Variants in ST14 observed in about 807,000 individuals in gnomAD.
ST14 encodes the protein suppressor of tumorigenicity 14 protein.
In ST14, 40 loss-of-function variants were observed where a neutral mutation model predicts 96.5. That is an observed-to-expected ratio of 0.41 (90% confidence interval 0.32 to 0.54). ST14 has a LOEUF of 0.54. ST14 is among the 20% of genes least tolerant of loss of function. The pLI, the probability that ST14 is intolerant of heterozygous loss-of-function variation, is 0.17. For missense variants in ST14, 1,066 were observed against 1,188.9 expected, an observed-to-expected ratio of 0.90 and a Z score of 1.52; for synonymous variants, 506 against 492.1, an observed-to-expected ratio of 1.03 and a Z score of -0.37.
intron 16 of ST14, among the ~76,000 whole-genome samples, chr11:130,208,046 T>C (rs1953506903): frequency 6.6e-6 from 1 of 151,968 alleles, no homozygotes; most frequent in Admixed American, 6.6e-5. Flanking sequence ...CGCACTCCAG[T>C]CTGGGTGACA....
chr11:130,178,306 T>C (rs370890434), intron 1 of ST14, among the ~76,000 whole-genome samples: 1 of 103,106 alleles, frequency 9.7e-6, no homozygotes, highest in South Asian at 2.3e-4. Context: ...AGAGCCTTCG[T>C]TGGCAGATGC....
chr11:130,190,767 G>C lies in ST14; in HGVS notation c.875+73G>C, dbSNP rs982856904. The stretch of plus-strand genomic sequence containing the variant: ...CCTGTAGGGGGCCAGCTTCTTCAAC[G>C]ATTGGGATACAGTTTATGACTCTTG... On this transcript the variant is annotated intron_variant, in intron 7 of 18. Coordinates refer to ENST00000278742, the MANE Select transcript of ST14 (RefSeq NM_021978.4). The C allele has an allele frequency of 2.7e-5, 40 of 1,484,870 alleles. No individual in the cohort carries two copies. In the South Asian group the frequency reaches 4.8e-4, roughly 18 times the overall value. 92.0% of individuals were successfully genotyped at this position (1,484,870 alleles called of 1,614,324 possible).
At chr11:130,189,266 G>A in intron 4 of ST14, 2 of 501,422 alleles carry the variant, frequency 4.0e-6, no homozygotes, top group South Asian at 2.2e-5. Context: ...CCTTCAATGA[G>A]CCCCCACATT....
intron 14 of ST14, 34 bp downstream of exon 14, chr11:130,198,655 G>T: frequency 6.3e-7 from 1 of 1,590,932 alleles, no homozygotes; most frequent in Non-Finnish European, 8.6e-7. Flanking sequence ...CCTGTTGGGG[G>T]CCTCGCCCCT....
At chr11:130,178,833 C>T (rs979854128) in intron 1 of ST14, among the ~76,000 whole-genome samples, 6 of 152,230 alleles carry the variant, frequency 3.9e-5, no homozygotes, top group East Asian at 3.9e-4. Context: ...GTGGGCGGGC[C>T]GGGGTTTTGG....
intron 1 of ST14, among the ~76,000 whole-genome samples, chr11:130,173,278 A>C (rs1225207320): frequency 6.6e-6 from 1 of 152,214 alleles, no homozygotes; most frequent in Non-Finnish European, 1.5e-5. Context: ...CTGGTGGAGC[A>C]GCTGAAGTTC....
chr11:130,190,763 C>T, intron 7 of ST14, 69 bp downstream of exon 7: 6 of 1,489,996 alleles, frequency 4.0e-6, no homozygotes, highest in Admixed American at 2.2e-5. Flanking sequence ...CCAGCTTCTT[C>T]AACGATTGGG....
intron 1 of ST14, among the ~76,000 whole-genome samples, chr11:130,161,988 C>T (rs1431703967): frequency 6.6e-6 from 1 of 150,942 alleles, no homozygotes; most frequent in Non-Finnish European, 1.5e-5. Flanking sequence ...CACCAGAAAT[C>T]CCAGTCCCTG....
chr11:130,162,712 T>G (rs1953006697), intron 1 of ST14, among the ~76,000 whole-genome samples: 1 of 152,220 alleles, frequency 6.6e-6, no homozygotes, highest in African/African-American at 2.4e-5. Context: ...ACAGCCCCTG[T>G]CCTTGGGACC....
chr11:130,210,067 G>A lies in ST14; in HGVS notation c.*244G>A. 2 of 550,348 alleles carry A rather than the reference G, an allele frequency of 3.6e-6. No individual in the cohort carries two copies. The highest frequency in any genetic ancestry group is 3.2e-5 in the East Asian group (1 of 31,392). The allele number at this position is 550,348 out of a possible 1,614,324, so 34.1% of individuals were successfully genotyped here. A position where few individuals can be genotyped will look rare whatever the true frequency, so the allele number is the denominator to read the frequency against. ...TCTACTGACCCAACTGGGGGCAAAGGTTTGAAGACACAGCCTCCCCCGCCA... is the reference window on the plus strand; with the variant it reads ...TCTACTGACCCAACTGGGGGCAAAGATTTGAAGACACAGCCTCCCCCGCCA... On this transcript the variant is annotated 3_prime_UTR_variant, in exon 19 of 19. Coordinates refer to ENST00000278742, the MANE Select transcript of ST14 (RefSeq NM_021978.4).
chr11:130,188,706 C>G lies in ST14; in HGVS notation c.369+49C>G, dbSNP rs528692095. On this transcript the variant is annotated intron_variant, in intron 3 of 18. Transcript: ENST00000278742. This position sits in a 1 kb window ranked among gnomAD's most constrained non-coding sequence, Gnocchi z 5.4. The stretch of plus-strand genomic sequence containing the variant: ...CTGCTGGGCTGTGTGCGCTGGTGTC[C>G]CACCTGCTGGGCAGGAGGGACATGC... The G allele has an allele frequency of 1.2e-6, 2 of 1,613,750 alleles. No homozygotes were observed. The highest frequency in any genetic ancestry group is 1.3e-5 in the African/African-American group (1 of 75,032).
rs199614254 is a variant in ST14 at position 130,209,688 on chromosome 11, C to T, written c.2433C>T (p.Ser811=). The T allele has an allele frequency of 5.0e-6, 8 of 1,613,392 alleles. No homozygotes were observed. The Admixed American group carries it at 1.2e-4, about 24-fold the overall frequency. ...CQGDSGGPLS[S]VEADGRIFQA... ...GTGATTCCGGGGGACCCCTGTCCAG[C>T]GTGGAGGCGGATGGGCGGATCTTCC... The change falls in exon 19 of 19, where the codon AGC becomes AGT. Residue 811 remains serine (S), a synonymous_variant. Transcript: ENST00000278742.
chr11:130,172,411 C>CTTTTTTT (rs1173051845), intron 1 of ST14, among the ~76,000 whole-genome samples: 18 of 88,288 alleles, frequency 2.0e-4, no homozygotes, highest in Non-Finnish European at 2.5e-4. Context: ...TGGCTGTCTT[C>CTTTTTTT]TTTTTTTTTT....
chr11:130,165,823 G>C (rs988688260), intron 1 of ST14, among the ~76,000 whole-genome samples: 5 of 152,174 alleles, frequency 3.3e-5, no homozygotes, highest in African/African-American at 1.2e-4. Flanking sequence ...AGGCTCAAAG[G>C]GTTTGTGTAA....
intron 16 of ST14, among the ~76,000 whole-genome samples, chr11:130,202,793 C>G (rs530677215): frequency 2.0e-5 from 3 of 152,318 alleles, no homozygotes; most frequent in Non-Finnish European, 4.4e-5. Context: ...AAGTTGCCCT[C>G]TCTGTGCTTG....
rs971851325 is a variant in ST14, at chr11:130,187,103, C to G, written c.82-1011C>G. ...TACGAGATCACCACCAGAAGAATGA[C>G]ATCAGGAAACTGTCAAAAGGGCCAA... On this transcript the variant is annotated intron_variant, in intron 1 of 18. Coordinates refer to ENST00000278742, the MANE Select transcript of ST14 (RefSeq NM_021978.4). This position sits in a 1 kb window ranked among gnomAD's most constrained non-coding sequence, Gnocchi z 4.5. 6.6e-6 allele frequency among the ~76,000 whole-genome samples: 1 copy of G among 152,134 alleles called. No homozygotes were observed. The highest frequency in any genetic ancestry group is 1.5e-5 in the Non-Finnish European group (1 of 68,042).
intron 16 of ST14, among the ~76,000 whole-genome samples, chr11:130,206,570 T>TC (rs1953491888): frequency 7.3e-6 from 1 of 136,542 alleles, no homozygotes; most frequent in African/African-American, 2.5e-5. Context: ...TTCTTTTCTT[T>TC]TTTTTTTTCT....
At chr11:130,163,631 T>C (rs1318683175) in intron 1 of ST14, among the ~76,000 whole-genome samples, 1 of 152,140 alleles carries the variant, frequency 6.6e-6, no homozygotes, top group Non-Finnish European at 1.5e-5. Flanking sequence ...GGAAGAGGGT[T>C]GGGAAGGCAG....
At chr11:130,209,166 G>C (rs1347551325) in intron 17 of ST14, among the ~76,000 whole-genome samples, 1 of 152,112 alleles carries the variant, frequency 6.6e-6, no homozygotes, top group African/African-American at 2.4e-5. Flanking sequence ...CATTTGCGGC[G>C]CCTTCCCTCC....
Sources: allele counts gnomAD v4.1 joint callset (sites outside exome capture counted in the v4.1 genomes callset), GRCh38; gene constraint gnomAD v4.1.1; non-coding constraint Gnocchi (gnomAD v3.1); transcripts MANE v1.5; gene names NCBI Gene and HGNC (gene_info 2026-07-23, HGNC 2026-07-21).